Variants in STXBP6 observed in about 807,000 individuals in gnomAD.
The protein encoded by STXBP6 is syntaxin-binding protein 6.
Under a neutral mutation model 26.9 loss-of-function variants are expected in STXBP6, and 21 were observed. That is an observed-to-expected ratio of 0.78 (90% CI 0.55 to 1.12). STXBP6 has a LOEUF of 1.12. Ranked by LOEUF, STXBP6 falls within the 50% of genes most tolerant of loss-of-function variation. STXBP6 has a pLI of 0.00. For synonymous variants in STXBP6, 97 were observed against 92.6 expected, an observed-to-expected ratio of 1.05 and a Z score of -0.27; for missense variants, 232 against 257.9, an observed-to-expected ratio of 0.90 and a Z score of 0.69.
intron 2 of STXBP6, among the ~76,000 whole-genome samples, chr14:24,872,275 A>T (rs1001699724): frequency 6.6e-6 from 1 of 152,212 alleles, no homozygotes; most frequent in African/African-American, 2.4e-5. Flanking sequence ...AGGAAAGACA[A>T]ATGTATTTGT....
intron 2 of STXBP6, among the ~76,000 whole-genome samples, chr14:24,920,117 T>A (rs1018367175): frequency 6.6e-6 from 1 of 152,066 alleles, no homozygotes; most frequent in African/African-American, 2.4e-5. Context: ...CATCTACGTA[T>A]CAAAAAGCAC....
intron 4 of STXBP6, among the ~76,000 whole-genome samples, chr14:24,823,666 T>G (rs2138805524): frequency 6.6e-6 from 1 of 152,324 alleles, no homozygotes; most frequent in South Asian, 2.1e-4. Flanking sequence ...CTAAGAACAC[T>G]CTTTTAAAAC....
intron 1 of STXBP6, among the ~76,000 whole-genome samples, chr14:25,033,255 A>G (rs990023422): frequency 3.3e-5 from 5 of 152,032 alleles, no homozygotes; most frequent in African/African-American, 1.2e-4. Flanking sequence ...CCATTACCAC[A>G]TCCAGTCATA....
chr14:24,864,888 ACTGAAGTT>A (rs1354016318), intron 2 of STXBP6, among the ~76,000 whole-genome samples: 5 of 152,010 alleles, frequency 3.3e-5, no homozygotes, highest in Non-Finnish European at 5.9e-5. Context: ...GGGATACAGC[ACTGAAGTT>A]CTAAAAAAAA....
rs111259538 is a variant in STXBP6, at chr14:25,034,475, G to A, written c.-33+15403C>T. 3.5e-3 allele frequency among the ~76,000 whole-genome samples: 534 copies of A among 152,200 alleles called. 4 individuals carry two copies. Among genetic ancestry groups the A allele is most frequent in the African/African-American group, 9.9e-3 (409 of 41,514 alleles). ...ACTGATGCACTTCTTATTAATTAAC[G>A]TCTGATCTTCTTTCTTTTGAAATCC... is the stretch of plus-strand genomic sequence containing the variant. On this transcript the variant is annotated intron_variant, in intron 1 of 5. Transcript: ENST00000323944.
rs79582329 is a variant in STXBP6 at position 25,012,574 on chromosome 14, T to C, written c.-33+37304A>G. 8.7e-3 allele frequency among the ~76,000 whole-genome samples: 1,327 copies of C among 152,176 alleles called. 16 individuals carry two copies. Among genetic ancestry groups the C allele is most frequent in the African/African-American group, 0.029 (1,200 of 41,520 alleles). On this transcript the variant is annotated intron_variant, in intron 1 of 5. Coordinates refer to ENST00000323944, the MANE Select transcript of STXBP6 (RefSeq NM_001394410.1). Reference sequence around the variant, plus strand: ...GAGATTGCACCACTGCACTGCAGCCTGGGCAACAAAGCAAGGCTCTGTCTC... The same window carrying C: ...GAGATTGCACCACTGCACTGCAGCCCGGGCAACAAAGCAAGGCTCTGTCTC...
intron 2 of STXBP6, among the ~76,000 whole-genome samples, chr14:24,955,184 A>T (rs1402907968): frequency 1.3e-5 from 2 of 152,092 alleles, no homozygotes; most frequent in Non-Finnish European, 2.9e-5. Context: ...GCAGGAGGAG[A>T]GAGTAACATC....
In STXBP6 at chr14:25,049,935, G is replaced by A. The variant is rs1402055463; in HGVS notation, c.-90C>T. 2.1e-6 allele frequency: 2 copies of A among 951,824 alleles called. No individual in the cohort carries two copies. Among genetic ancestry groups the A allele is most frequent in the Non-Finnish European group, 2.5e-6 (2 of 799,538 alleles). 59.0% of individuals were successfully genotyped at this position (951,824 alleles called of 1,614,324 possible). The stretch of plus-strand genomic sequence containing the variant: ...GTGCGCGGCACGCGTCCCAGAGCAC[G>A]AGGCTCCTCCCCGGGGGGCTGCCCC... On this transcript the variant is annotated 5_prime_UTR_variant, in exon 1 of 6. Transcript: ENST00000323944. The surrounding 1 kb of genome is among the most constrained non-coding windows in gnomAD (Gnocchi z 5.6).
chr14:24,895,947 C>CA (rs1218920708), intron 2 of STXBP6, among the ~76,000 whole-genome samples: 1 of 152,192 alleles, frequency 6.6e-6, no homozygotes, highest in African/African-American at 2.4e-5. Context: ...ACTCACTGAA[C>CA]AGTAGTTACA....
At chr14:25,001,284 T>C (rs1355329183) in intron 1 of STXBP6, among the ~76,000 whole-genome samples, 1 of 152,204 alleles carries the variant, frequency 6.6e-6, no homozygotes, top group Non-Finnish European at 1.5e-5. Flanking sequence ...TGCATAAGAC[T>C]CACAAGAATT....
At chr14:25,018,038 CA>C (rs1169087307) in intron 1 of STXBP6, among the ~76,000 whole-genome samples, 1 of 152,144 alleles carries the variant, frequency 6.6e-6, no homozygotes, top group Non-Finnish European at 1.5e-5. Context: ...TATAACACAC[CA>C]TACACTGCCC....
At chr14:25,048,536 A>C (rs1296927765) in intron 1 of STXBP6, among the ~76,000 whole-genome samples, 1 of 152,252 alleles carries the variant, frequency 6.6e-6, no homozygotes, top group Admixed American at 6.5e-5. Flanking sequence ...AACAGGCAGC[A>C]GAATGGTGAG....
intron 4 of STXBP6, among the ~76,000 whole-genome samples, chr14:24,843,865 A>G (rs979248093): frequency 6.6e-6 from 1 of 152,194 alleles, no homozygotes; most frequent in East Asian, 1.9e-4. Flanking sequence ...AATTCCCTGC[A>G]TGACAGGAAT....
chr14:25,009,607 C>T (rs992202030), intron 1 of STXBP6, among the ~76,000 whole-genome samples: 8 of 152,182 alleles, frequency 5.3e-5, no homozygotes, highest in Non-Finnish European at 1.0e-4. Flanking sequence ...CACAACGTCA[C>T]CTACTCTTTG....
intron 2 of STXBP6, among the ~76,000 whole-genome samples, chr14:24,922,292 G>C (rs1283633412): frequency 6.6e-6 from 1 of 152,072 alleles, no homozygotes; most frequent in Non-Finnish European, 1.5e-5. Context: ...CTGATGTTTA[G>C]AGGGATTAGG....
At chr14:24,934,971 G>A (rs1226893487) in intron 2 of STXBP6, among the ~76,000 whole-genome samples, 1 of 152,008 alleles carries the variant, frequency 6.6e-6, no homozygotes, top group Non-Finnish European at 1.5e-5. Context: ...TAACATTAAT[G>A]CATCTCACAG....
intron 4 of STXBP6, among the ~76,000 whole-genome samples, chr14:24,853,892 G>A (rs1212751582): frequency 6.6e-6 from 1 of 152,090 alleles, no homozygotes; most frequent in Non-Finnish European, 1.5e-5. Context: ...TGGTGGGGCT[G>A]TGTGGGAAGG....
chr14:25,021,363 T>C (rs2075260035), intron 1 of STXBP6, among the ~76,000 whole-genome samples: 2 of 152,184 alleles, frequency 1.3e-5, no homozygotes, highest in Admixed American at 6.5e-5. Context: ...ATTCTTCCCA[T>C]CATCACTTCA....
At chr14:24,839,166 T>C (rs2068714459) in intron 4 of STXBP6, among the ~76,000 whole-genome samples, 1 of 150,444 alleles carries the variant, frequency 6.6e-6, no homozygotes, top group Non-Finnish European at 1.5e-5. Flanking sequence ...TCTGTTCTGA[T>C]CTCTAATTTT....
Sources: gnomAD v4.1 joint callset for allele counts (sites outside exome capture counted in the v4.1 genomes callset) on GRCh38, gnomAD v4.1.1 for gene constraint, Gnocchi (gnomAD v3.1) non-coding constraint, MANE v1.5 for transcripts, NCBI Gene and HGNC (gene_info 2026-07-23, HGNC 2026-07-21) for gene names.